Variants in FBXL17 observed in about 807,000 individuals in gnomAD.
The protein encoded by FBXL17 is F-box and leucine rich repeat protein 17.
A neutral mutation model predicts 66.2 loss-of-function variants in FBXL17; 22 were observed. That is an observed-to-expected ratio of 0.33 (90% CI 0.24 to 0.47). The LOEUF (loss-of-function observed/expected upper bound fraction) is 0.47. FBXL17 is among the 20% of genes least tolerant of loss of function. The pLI is 1.00. For missense variants in FBXL17, 878 were observed against 948.2 expected, an observed-to-expected ratio of 0.93 and a Z score of 0.97; for synonymous variants, 474 against 400.5, an observed-to-expected ratio of 1.18 and a Z score of -2.19.
chr5:108,319,075 A>T (rs1363311179), intron 4 of FBXL17, among the ~76,000 whole-genome samples: 1 of 151,858 alleles, frequency 6.6e-6, no homozygotes, highest in Non-Finnish European at 1.5e-5. Context: ...CTGCCTTCCA[A>T]TTGTTTTATT....
chr5:108,053,459 G>A (rs184914453), intron 6 of FBXL17, among the ~76,000 whole-genome samples: 5 of 151,800 alleles, frequency 3.3e-5, no homozygotes, highest in African/African-American at 7.2e-5. Flanking sequence ...AATAGATTGC[G>A]CCACTGCACT....
intron 6 of FBXL17, among the ~76,000 whole-genome samples, chr5:108,085,136 G>C (rs1380912032): frequency 6.6e-6 from 1 of 152,296 alleles, no homozygotes; most frequent in African/African-American, 2.4e-5. Flanking sequence ...ACATAGTCTT[G>C]CATAGTTCCT....
At chr5:108,349,137 A>G (rs1747482043) in intron 3 of FBXL17, among the ~76,000 whole-genome samples, 2 of 152,220 alleles carry the variant, frequency 1.3e-5, no homozygotes, top group Non-Finnish European at 2.9e-5. Context: ...GGAAAAAAAT[A>G]TAATGCTTAA....
chr5:107,870,559 G>A (rs1188938355), intron 8 of FBXL17, among the ~76,000 whole-genome samples: 1 of 151,980 alleles, frequency 6.6e-6, no homozygotes, highest in Non-Finnish European at 1.5e-5. Context: ...TGATATGGAA[G>A]GAGAGGGTAC....
At chr5:108,025,692 C>A (rs960695931) in intron 6 of FBXL17, among the ~76,000 whole-genome samples, 2 of 139,762 alleles carry the variant, frequency 1.4e-5, no homozygotes, top group Non-Finnish European at 3.0e-5. Flanking sequence ...CACACACACA[C>A]ACACACACAC....
intron 7 of FBXL17, among the ~76,000 whole-genome samples, chr5:107,965,510 T>C (rs989475558): frequency 1.1e-4 from 17 of 152,154 alleles, no homozygotes; most frequent in African/African-American, 3.6e-4. Flanking sequence ...GAGATATCTC[T>C]ATATGGAAAT....
At chr5:108,013,953 T>C (rs1428502813) in intron 7 of FBXL17, among the ~76,000 whole-genome samples, 1 of 152,182 alleles carries the variant, frequency 6.6e-6, no homozygotes. Flanking sequence ...GCAATTATCT[T>C]GGTATTCATT....
chr5:108,024,206 C>T (rs1754707878), intron 6 of FBXL17, among the ~76,000 whole-genome samples: 1 of 152,112 alleles, frequency 6.6e-6, no homozygotes, highest in Non-Finnish European at 1.5e-5. Flanking sequence ...TGTCTCCTTA[C>T]AGAAAGTATC....
rs189249853 is a variant in FBXL17 at position 108,151,612 on chromosome 5, C to G, written c.1745+34505G>C. ...ACACCCAAAAGAAACTTTACTAAAG[C>G]AGATACTTACAATAGTGGAACTTTT... On this transcript the variant is annotated intron_variant, in intron 6 of 8. Transcript: ENST00000542267. Among the ~76,000 whole-genome samples, 79 of 152,276 alleles carry G rather than the reference C, an allele frequency of 5.2e-4. 2 individuals are homozygous for G. In the Middle Eastern group the frequency reaches 0.014, roughly 26 times the overall value.
chr5:108,306,494 C>T (rs1161178816), intron 4 of FBXL17, among the ~76,000 whole-genome samples: 1 of 152,034 alleles, frequency 6.6e-6, no homozygotes, highest in Non-Finnish European at 1.5e-5. Context: ...CTTCAAGCTT[C>T]TTCATCTGGA....
chr5:108,313,713 C>G lies in FBXL17; in HGVS notation c.1506+34686G>C, dbSNP rs12655799. ...TTAAGATATGGATTACTGTTTCATT[C>G]AACAGCCTGAGTGACAAGGAGTACC... On this transcript the variant is annotated intron_variant, in intron 4 of 8. Transcript: ENST00000542267. Among the ~76,000 whole-genome samples the G allele has an allele frequency of 1.1e-3, 162 of 151,990 alleles. 3 individuals are homozygous for G. In the East Asian group the frequency reaches 0.031, roughly 29 times the overall value.
At chr5:108,136,236 A>C (rs1751128349) in intron 6 of FBXL17, among the ~76,000 whole-genome samples, 1 of 152,094 alleles carries the variant, frequency 6.6e-6, no homozygotes, top group East Asian at 1.9e-4. Flanking sequence ...TCTTTAAGTA[A>C]TTCAAATTAC....
At chr5:108,365,712 G>C (rs1441846310) in intron 2 of FBXL17, among the ~76,000 whole-genome samples, 2 of 152,210 alleles carry the variant, frequency 1.3e-5, no homozygotes, top group East Asian at 3.9e-4. Context: ...TATCTGAAGT[G>C]TGGGTAGTCT....
At chr5:108,237,259 T>C (rs1001792569) in intron 4 of FBXL17, among the ~76,000 whole-genome samples, 1 of 152,174 alleles carries the variant, frequency 6.6e-6, no homozygotes, top group Non-Finnish European at 1.5e-5. Context: ...CAACACTTCA[T>C]GTTAAGTGCT....
intron 6 of FBXL17, among the ~76,000 whole-genome samples, chr5:108,047,452 G>A (rs556999559): frequency 6.6e-6 from 1 of 152,272 alleles, no homozygotes; most frequent in Admixed American, 6.5e-5. Flanking sequence ...CAGCACCAAA[G>A]CTGCAGCTGC....
intron 4 of FBXL17, among the ~76,000 whole-genome samples, chr5:108,267,571 A>G (rs1450180559): frequency 6.6e-6 from 1 of 152,084 alleles, no homozygotes; most frequent in Non-Finnish European, 1.5e-5. Context: ...AAAACAAAGC[A>G]AATTACTTCC....
chr5:108,104,460 C>T (rs1173589056), intron 6 of FBXL17, among the ~76,000 whole-genome samples: 2 of 152,194 alleles, frequency 1.3e-5, no homozygotes, highest in Admixed American at 6.5e-5. Context: ...TATAGAACAT[C>T]ACACTAAGTA....
At chr5:108,253,467 G>A (rs905448677) in intron 4 of FBXL17, among the ~76,000 whole-genome samples, 5 of 151,956 alleles carry the variant, frequency 3.3e-5, no homozygotes, top group Non-Finnish European at 5.9e-5. Flanking sequence ...TCATTTAATG[G>A]TTCTTTCAAT....
chr5:107,978,912 G>A (rs1580277181), intron 7 of FBXL17, among the ~76,000 whole-genome samples: 1 of 152,292 alleles, frequency 6.6e-6, no homozygotes, highest in East Asian at 1.9e-4. Flanking sequence ...AATTTGTCAG[G>A]AGATTACAGA....
Sources: allele counts gnomAD v4.1 joint callset (sites outside exome capture counted in the v4.1 genomes callset), GRCh38; gene constraint gnomAD v4.1.1; transcripts MANE v1.5; gene names NCBI Gene and HGNC (gene_info 2026-07-23, HGNC 2026-07-21).